Variants in ZMAT4 observed in about 807,000 individuals in gnomAD.
ZMAT4 encodes zinc finger matrin-type 4, also known as zinc finger matrin-type protein 4.
A neutral mutation model predicts 28.7 loss-of-function variants in ZMAT4; 17 were observed. The observed-to-expected ratio is 0.59, with a 90% CI of 0.41 to 0.89. The LOEUF (loss-of-function observed/expected upper bound fraction) is 0.89, where lower values mean the gene tolerates loss of function less well. ZMAT4 is among the 40% of genes least tolerant of loss of function. ZMAT4 has a pLI of 0.00. For missense variants in ZMAT4, 240 were observed against 283.8 expected (o/e 0.85, Z 1.11); for synonymous variants, 117 against 109.2 (o/e 1.07, Z -0.44).
chr8:40,558,220 C>T (rs544906383), intron 6 of ZMAT4, among the ~76,000 whole-genome samples: 1 of 152,210 alleles, frequency 6.6e-6, no homozygotes. Context: ...GGAGCCAGCA[C>T]GAAGAGTCCG....
intron 6 of ZMAT4, among the ~76,000 whole-genome samples, chr8:40,559,189 A>T (rs1803649586): frequency 1.3e-5 from 2 of 152,040 alleles, no homozygotes; most frequent in Admixed American, 6.5e-5. Flanking sequence ...CAATAGAATG[A>T]TTTCTGTAAC....
chr8:40,692,061 C>T (rs917164888), intron 4 of ZMAT4, among the ~76,000 whole-genome samples: 2 of 152,170 alleles, frequency 1.3e-5, no homozygotes, highest in African/African-American at 2.4e-5. Flanking sequence ...ACTATAGACA[C>T]TTAACTGCCT....
At chr8:40,582,549 C>T (rs965655888) in intron 5 of ZMAT4, among the ~76,000 whole-genome samples, 16 of 152,004 alleles carry the variant, frequency 1.1e-4, no homozygotes, top group African/African-American at 3.6e-4. Context: ...AAATTCTGTT[C>T]TAGCATTGTA....
At chr8:40,731,229 AT>A (rs1437859639) in intron 3 of ZMAT4, among the ~76,000 whole-genome samples, 5 of 143,436 alleles carry the variant, frequency 3.5e-5, no homozygotes, top group Non-Finnish European at 1.5e-5. Flanking sequence ...CTTCCCCTGT[AT>A]TTTTCTTTTT....
intron 3 of ZMAT4, among the ~76,000 whole-genome samples, chr8:40,744,089 G>A (rs1167804590): frequency 6.6e-6 from 1 of 152,216 alleles, no homozygotes; most frequent in Non-Finnish European, 1.5e-5. Context: ...CAGAAAGATA[G>A]AGACTAGAAT....
At chr8:40,580,159 C>T (rs1263085881) in intron 6 of ZMAT4, among the ~76,000 whole-genome samples, 1 of 151,848 alleles carries the variant, frequency 6.6e-6, no homozygotes, top group African/African-American at 2.4e-5. Context: ...ACTACAGGCA[C>T]GTGCCACCAC....
intron 2 of ZMAT4, among the ~76,000 whole-genome samples, chr8:40,803,689 C>T (rs1017180043): frequency 6.6e-6 from 1 of 152,182 alleles, no homozygotes; most frequent in Non-Finnish European, 1.5e-5. Flanking sequence ...CAAAACTAAC[C>T]ATACTCCTTC....
At chr8:40,648,698 G>T (rs866655812) in intron 5 of ZMAT4, among the ~76,000 whole-genome samples, 1 of 76,454 alleles carries the variant, frequency 1.3e-5, no homozygotes, top group Non-Finnish European at 3.0e-5. Context: ...CCCTCAAAGG[G>T]AAGCCCATCA....
At chr8:40,565,010 T>C (rs1188258940) in intron 6 of ZMAT4, among the ~76,000 whole-genome samples, 1 of 152,160 alleles carries the variant, frequency 6.6e-6, no homozygotes, top group East Asian at 1.9e-4. Flanking sequence ...AGCTGCTCAT[T>C]TGCTACCAAT....
At chr8:40,560,216 T>TATAA (rs1554520544) in intron 6 of ZMAT4, among the ~76,000 whole-genome samples, 1 of 148,614 alleles carries the variant, frequency 6.7e-6, no homozygotes, top group South Asian at 2.1e-4. Flanking sequence ...TATATATATA[T>TATAA]AAAATTTGAC....
rs895201558 is a variant in ZMAT4 at position 40,860,695 on chromosome 8, C to T, written c.-4-35015G>A. 4.0e-4 allele frequency among the ~76,000 whole-genome samples: 61 copies of T among 152,334 alleles called. 1 individual carries two copies. Among genetic ancestry groups the T allele is most frequent in the Non-Finnish European group, 5.0e-4 (34 of 68,038 alleles). On this transcript the variant is annotated intron_variant, in intron 1 of 6. Transcript: ENST00000297737. ...ATGTCTCTCACTTGACTGGGAAGAG[C>T]TTCTGGCTTTACCCAAAATGGTCCA...
intron 5 of ZMAT4, among the ~76,000 whole-genome samples, chr8:40,586,362 A>T (rs903822379): frequency 6.6e-6 from 1 of 152,224 alleles, no homozygotes; most frequent in African/African-American, 2.4e-5. Context: ...TTTCTGCAGG[A>T]TTGCCTAATA....
At chr8:40,629,911 G>C (rs1027505655) in intron 5 of ZMAT4, among the ~76,000 whole-genome samples, 4 of 152,222 alleles carry the variant, frequency 2.6e-5, no homozygotes, top group African/African-American at 4.8e-5. Flanking sequence ...TAATCCTTTA[G>C]GTATATATCC....
intron 5 of ZMAT4, among the ~76,000 whole-genome samples, chr8:40,641,354 C>T (rs565629060): frequency 2.0e-5 from 3 of 152,152 alleles, no homozygotes; most frequent in African/African-American, 7.2e-5. Context: ...GTGGAAAAAA[C>T]ATTTACATTT....
At position 40,672,559 on chromosome 8, in the gene ZMAT4, G is replaced by A. The variant is rs573736216; in HGVS notation, c.577+2145C>T. On this transcript the variant is annotated intron_variant, in intron 5 of 6. Coordinates refer to ENST00000297737, the MANE Select transcript of ZMAT4 (RefSeq NM_024645.3). The stretch of plus-strand genomic sequence containing the variant: ...TTGTCTTCTGTATGAAAGACAAGCT[G>A]CTCAAATGTTACAGAATTCAGACAC... Among the ~76,000 whole-genome samples the A allele has an allele frequency of 2.0e-5, 3 of 152,230 alleles. No homozygotes were observed. In the South Asian group the frequency reaches 6.2e-4, roughly 32 times the overall value.
intron 3 of ZMAT4, among the ~76,000 whole-genome samples, chr8:40,737,944 C>T (rs1811841515): frequency 6.6e-6 from 1 of 151,876 alleles, no homozygotes; most frequent in Admixed American, 6.6e-5. Flanking sequence ...ATATGACTGC[C>T]ATTGTTCTTA....
At chr8:40,889,975 A>G (rs2150670475) in intron 1 of ZMAT4, among the ~76,000 whole-genome samples, 1 of 152,298 alleles carries the variant, frequency 6.6e-6, no homozygotes, top group East Asian at 1.9e-4. Context: ...AAAAATGTCC[A>G]TTTCCCAGCA....
At chr8:40,808,685 G>A in intron 2 of ZMAT4, 5 of 322,144 alleles carry the variant, frequency 1.6e-5, no homozygotes, top group South Asian at 7.5e-5. Context: ...AGAAAGAGAG[G>A]GAAAGAGCAG....
chr8:40,796,962 G>A (rs117705182), intron 2 of ZMAT4, among the ~76,000 whole-genome samples: 12 of 152,224 alleles, frequency 7.9e-5, no homozygotes, highest in East Asian at 1.9e-4. Flanking sequence ...TAGCCAGTTC[G>A]CCTGATCTTC....
Sources: gnomAD v4.1 joint callset for allele counts (sites outside exome capture counted in the v4.1 genomes callset) on GRCh38, gnomAD v4.1.1 for gene constraint, MANE v1.5 for transcripts, NCBI Gene and HGNC (gene_info 2026-07-23, HGNC 2026-07-21) for gene names.